Variants in ZNF573 observed in about 807,000 individuals in gnomAD.
ZNF573 encodes the protein zinc finger protein 573.
In ZNF573, 41 loss-of-function variants were observed where a neutral mutation model predicts 57.4. The ratio of observed to expected loss-of-function variants is 0.71; its 90% CI spans 0.56 to 0.93. ZNF573 has a LOEUF of 0.93. Among genes scored for constraint, ZNF573 ranks in the 40% least tolerant of loss-of-function variants. The probability of loss-of-function intolerance (pLI) is 0.00; values close to 1 mark genes in which losing one functional copy is unlikely to be tolerated. For synonymous variants in ZNF573, 249 were observed against 261.0 expected, an observed-to-expected ratio of 0.95 and a Z score of 0.44; for missense variants, 730 against 794.8, an observed-to-expected ratio of 0.92 and a Z score of 0.98.
Position 37,759,137 on chromosome 19 carries a change from T to A in ZNF573, c.295+10868A>T, listed in dbSNP as rs1288343184. 1.9e-5 allele frequency: 11 copies of A among 575,934 alleles called. No homozygotes were observed. The Admixed American group carries it at 6.4e-4, about 33-fold the overall frequency. The allele number at this position is 575,934 out of a possible 1,614,324, so 35.7% of individuals were successfully genotyped here. A position where few individuals can be genotyped will look rare whatever the true frequency, so the allele number is the denominator to read the frequency against. ...GCTGAGCAACCCAGTGAGACCCCCA[T>A]CTCTAATAAACAAACAAACAAACAA... On this transcript the variant is annotated intron_variant, in intron 4 of 4. Coordinates refer to ENST00000536220, the MANE Select transcript of ZNF573 (RefSeq NM_001172690.2).
Position 37,760,378 on chromosome 19 carries a change from GAA to G in ZNF573, c.295+9625_295+9626del, listed in dbSNP as rs1729687630. ...GTTGAAAAGGCACAGATGCCAACTT[GAA>G]AGAGTTCCCAATGGCCAAAGCAGAA... On this transcript the variant is annotated intron_variant, in intron 4 of 4. Coordinates refer to ENST00000536220, the MANE Select transcript of ZNF573 (RefSeq NM_001172690.2). Among the ~76,000 whole-genome samples, 4 of 152,126 alleles carry G rather than the reference GAA, an allele frequency of 2.6e-5. No homozygotes were observed. In the South Asian group the frequency reaches 8.3e-4, roughly 32 times the overall value.
intron 3 of ZNF573, among the ~76,000 whole-genome samples, chr19:37,770,865 TATATATA>T: frequency 8.2e-6 from 1 of 121,516 alleles, no homozygotes; most frequent in African/African-American, 3.3e-5. Flanking sequence ...TATATATATA[TATATATA>T]TTCCCCCTCC....
At chr19:37,762,933 G>A (rs1156705101) in intron 4 of ZNF573, among the ~76,000 whole-genome samples, 11 of 151,846 alleles carry the variant, frequency 7.2e-5, no homozygotes, top group South Asian at 4.2e-4. Context: ...CACCACACCC[G>A]GCTAATTTTT....
intron 4 of ZNF573, among the ~76,000 whole-genome samples, chr19:37,746,649 G>A (rs1377463344): frequency 6.6e-6 from 1 of 151,854 alleles, no homozygotes; most frequent in Non-Finnish European, 1.5e-5. Context: ...GTGCGATCTT[G>A]GCTCACTGCA....
chr19:37,739,372 A>G lies in ZNF573; in HGVS notation c.1118T>C (p.Leu373Pro). 2 of 1,614,024 alleles carry G rather than the reference A, an allele frequency of 1.2e-6. No individual in the cohort carries two copies. Among genetic ancestry groups the G allele is most frequent in the Admixed American group, 1.7e-5 (1 of 60,000 alleles). ...AGTATGAATATTCTGATGCCGAGTAAGATTTCTATACAAAGTAAAGGTTTT... is the reference window on the plus strand; with the variant it reads ...AGTATGAATATTCTGATGCCGAGTAGGATTTCTATACAAAGTAAAGGTTTT... The part of the protein sequence containing the change: ...CKKTFTLYRN[L>P]TRHQNIHTGE... Residue 373 changes from leucine to proline, a missense_variant, in exon 5 of 5, where the codon CTT becomes CCT. Coordinates refer to ENST00000536220, the MANE Select transcript of ZNF573 (RefSeq NM_001172690.2).
intron 1 of ZNF573, among the ~76,000 whole-genome samples, chr19:37,775,391 C>T (rs1032049870): frequency 6.6e-6 from 1 of 152,120 alleles, no homozygotes; most frequent in African/African-American, 2.4e-5. Context: ...TATTCACTAA[C>T]TTCCATATAG....
intron 4 of ZNF573, among the ~76,000 whole-genome samples, chr19:37,757,323 A>G (rs1165898215): frequency 6.6e-6 from 1 of 152,060 alleles, no homozygotes; most frequent in African/African-American, 2.4e-5. Context: ...CAGCTTCCCG[A>G]GTAGCTGAGA....
chr19:37,767,176 C>T (rs2145321984), intron 4 of ZNF573, among the ~76,000 whole-genome samples: 1 of 152,290 alleles, frequency 6.6e-6, no homozygotes, highest in South Asian at 2.1e-4. Flanking sequence ...ACCTCCTGAC[C>T]TCAACCTCCT....
At position 37,741,340 on chromosome 19, in the gene ZNF573, C is replaced by T. The variant is rs369316466; in HGVS notation, c.296-1146G>A. ...AGTACAATAGCCCAATCATAGTTCA[C>T]TGCAGCCTTGTACTCTTCCAGCTCA... On this transcript the variant is annotated intron_variant, in intron 4 of 4. Coordinates refer to ENST00000536220, the MANE Select transcript of ZNF573 (RefSeq NM_001172690.2). Among the ~76,000 whole-genome samples the T allele has an allele frequency of 1.2e-4, 18 of 152,296 alleles. No individual in the cohort carries two copies. The East Asian group carries it at 3.3e-3, about 28-fold the overall frequency.
intron 4 of ZNF573, among the ~76,000 whole-genome samples, chr19:37,744,634 G>A (rs1037178931): frequency 1.3e-5 from 2 of 151,348 alleles, no homozygotes; most frequent in Non-Finnish European, 2.9e-5. Context: ...CCAGATATTC[G>A]GGAGGGCAAG....
intron 4 of ZNF573, among the ~76,000 whole-genome samples, chr19:37,764,312 T>TG (rs2045580612): frequency 1.5e-5 from 2 of 135,704 alleles, no homozygotes; most frequent in African/African-American, 6.1e-5. Flanking sequence ...TTTTTTTTTG[T>TG]TTTTTTTTTT....
chr19:37,746,498 G>C (rs2909107), intron 4 of ZNF573, among the ~76,000 whole-genome samples: 2 of 152,114 alleles, frequency 1.3e-5, no homozygotes, highest in Non-Finnish European at 2.9e-5. Context: ...TTTAGCTTCA[G>C]ATGCATACAA....
intron 4 of ZNF573, among the ~76,000 whole-genome samples, chr19:37,765,851 C>T (rs1337129525): frequency 2.6e-5 from 4 of 151,788 alleles, no homozygotes; most frequent in East Asian, 3.9e-4. Context: ...CCAGCCTGGC[C>T]GACATGGCAA....
At chr19:37,742,098 C>T (rs904478334) in intron 4 of ZNF573, among the ~76,000 whole-genome samples, 2 of 151,946 alleles carry the variant, frequency 1.3e-5, no homozygotes, top group Non-Finnish European at 2.9e-5. Flanking sequence ...GAATGAAATA[C>T]GTAGGAATAC....
At chr19:37,775,654 C>T (rs558500902) in intron 1 of ZNF573, among the ~76,000 whole-genome samples, 5 of 152,120 alleles carry the variant, frequency 3.3e-5, no homozygotes, top group Non-Finnish European at 5.9e-5. Context: ...ACTTGCTGTT[C>T]GCCGATGATA....
At chr19:37,746,083 T>C (rs572678474) in intron 4 of ZNF573, among the ~76,000 whole-genome samples, 30 of 152,338 alleles carry the variant, frequency 2.0e-4, no homozygotes, top group African/African-American at 6.7e-4. Flanking sequence ...AGAAAAATTT[T>C]ATGCTAGAAA....
At chr19:37,768,233 C>T (rs1292579155) in intron 4 of ZNF573, among the ~76,000 whole-genome samples, 2 of 152,148 alleles carry the variant, frequency 1.3e-5, no homozygotes, top group Non-Finnish European at 2.9e-5. Context: ...GCCTTGAAAA[C>T]AATTACATCA....
chr19:37,768,925 CA>C (rs1237341122), intron 4 of ZNF573, among the ~76,000 whole-genome samples: 3 of 143,934 alleles, frequency 2.1e-5, no homozygotes, highest in Non-Finnish European at 4.7e-5. Flanking sequence ...CTCGGCCTCC[CA>C]AAGTGCTGGG....
rs775082116 is a variant in ZNF573, at chr19:37,739,795, T to C, written c.695A>G (p.His232Arg). The part of the protein sequence containing the change: ...QCGKAFIYAS[H>R]IVQHERIHTG... ...GTGAATTCTCTCATGTTGAACAATG[T>C]GTGAGGCATATATAAAGGCCTTCCC... is the stretch of plus-strand genomic sequence containing the variant. Residue 232 changes from histidine (H) to arginine (R), a missense_variant, in exon 5 of 5, where the codon CAC (histidine) becomes CGC (arginine). By Grantham distance (29) the His-to-Arg change is conservative (BLOSUM62 0). Transcript: ENST00000536220. 3.7e-6 allele frequency: 6 copies of C among 1,613,922 alleles called. No homozygotes were observed. In the East Asian group the frequency reaches 8.9e-5, roughly 24 times the overall value.
Sources: allele counts gnomAD v4.1 joint callset (sites outside exome capture counted in the v4.1 genomes callset), GRCh38; gene constraint gnomAD v4.1.1; transcripts MANE v1.5; gene names NCBI Gene and HGNC (gene_info 2026-07-23, HGNC 2026-07-21).